SRGAP3: variants seen among roughly 807,000 people sequenced by gnomAD.
SRGAP3 encodes the protein SLIT-ROBO Rho GTPase activating protein 3, also known as SLIT-ROBO Rho GTPase-activating protein 3.
Under a neutral mutation model 121.1 loss-of-function variants are expected in SRGAP3, and 39 were observed. The observed-to-expected ratio is 0.32, with a 90% CI of 0.25 to 0.42. The LOEUF is 0.42. Ranked by LOEUF, SRGAP3 falls within the 10% of genes least tolerant of loss-of-function variation. The pLI, the probability that SRGAP3 is intolerant of heterozygous loss-of-function variation, is 1.00. For synonymous variants in SRGAP3, 601 were observed against 570.0 expected (o/e 1.05, Z -0.77); for missense variants, 1,213 against 1,470.6 (o/e 0.82, Z 2.86).
chr3:9,074,704 C>CA (rs1349810347), intron 4 of SRGAP3, among the ~76,000 whole-genome samples: 2 of 152,224 alleles, frequency 1.3e-5, no homozygotes, highest in Non-Finnish European at 2.9e-5. Context: ...TGAGGGAAGT[C>CA]ATGAGGAGGG....
chr3:9,204,667 T>C (rs1952199666), intron 1 of SRGAP3, among the ~76,000 whole-genome samples: 1 of 151,234 alleles, frequency 6.6e-6, no homozygotes, highest in Non-Finnish European at 1.5e-5. Context: ...TTTTTTTAAG[T>C]CCTAAGTGAA....
chr3:9,196,016 T>G (rs955325554), intron 1 of SRGAP3, among the ~76,000 whole-genome samples: 2 of 152,028 alleles, frequency 1.3e-5, no homozygotes, highest in African/African-American at 4.8e-5. Flanking sequence ...AGTGAAAATT[T>G]AGGGAGAAAA....
At chr3:9,082,459 A>C (rs1165148097) in intron 3 of SRGAP3, among the ~76,000 whole-genome samples, 1 of 152,256 alleles carries the variant, frequency 6.6e-6, no homozygotes, top group African/African-American at 2.4e-5. Context: ...ACCAGACATC[A>C]AATCTGTCAG....
At chr3:9,177,178 A>C (rs1336240255) in intron 1 of SRGAP3, among the ~76,000 whole-genome samples, 11 of 152,256 alleles carry the variant, frequency 7.2e-5, no homozygotes, top group Admixed American at 4.6e-4. Flanking sequence ...TGTGCCAGAC[A>C]CTCTACTGGG....
chr3:9,204,446 T>TGGGCTC (rs2125164767), intron 1 of SRGAP3, among the ~76,000 whole-genome samples: 1 of 152,342 alleles, frequency 6.6e-6, no homozygotes, highest in South Asian at 2.1e-4. Context: ...CCCACGGCCT[T>TGGGCTC]GGGCTCTGAA....
At chr3:9,020,234 A>G (rs1559928909) in intron 14 of SRGAP3, among the ~76,000 whole-genome samples, 1 of 152,082 alleles carries the variant, frequency 6.6e-6, no homozygotes, top group Non-Finnish European at 1.5e-5. Flanking sequence ...GTCTGCATCT[A>G]TGCCTGCTTA....
At chr3:9,238,786 C>G (rs1358532035) in intron 1 of SRGAP3, among the ~76,000 whole-genome samples, 1 of 152,128 alleles carries the variant, frequency 6.6e-6, no homozygotes, top group Non-Finnish European at 1.5e-5. Context: ...TCCAGGGTCC[C>G]TCATGGCCCA....
chr3:9,169,900 G>A (rs1281937264), intron 1 of SRGAP3, among the ~76,000 whole-genome samples: 2 of 152,188 alleles, frequency 1.3e-5, no homozygotes, highest in African/African-American at 4.8e-5. Context: ...TTCTAGGCAA[G>A]TCATGGTCCC....
chr3:9,054,074 A>G (rs1485137078), intron 8 of SRGAP3, among the ~76,000 whole-genome samples: 1 of 152,126 alleles, frequency 6.6e-6, no homozygotes, highest in African/African-American at 2.4e-5. Context: ...ACTGTCTAAT[A>G]TTTTCCAAGC....
At chr3:9,004,018 G>A (rs1203182566) in intron 18 of SRGAP3, among the ~76,000 whole-genome samples, 1 of 152,124 alleles carries the variant, frequency 6.6e-6, no homozygotes, top group African/African-American at 2.4e-5. Context: ...AAAACTATTT[G>A]ACTGCATGAA....
chr3:9,123,405 T>TATATATATATATATATATAC (rs1949095774), intron 2 of SRGAP3, among the ~76,000 whole-genome samples: 2 of 1,752 alleles, frequency 1.1e-3, no homozygotes, highest in African/African-American at 1.9e-3. Flanking sequence ...ACAATACACA[T>TATATATATATATATATATAC]ACATACACAT....
rs578183519 is a variant in SRGAP3, at chr3:9,275,678, C to T, written n.442+50332G>A. The stretch of plus-strand genomic sequence containing the variant: ...TCCCCTTTCACTTGGCTCTCATTCT[C>T]TCTTACCTGCTGCCATGTAAGATGT... On this transcript the variant is annotated intron_variant and non_coding_transcript_variant, in intron 3 of 3. Transcript: ENST00000490889. Among the ~76,000 whole-genome samples, 10 of 152,314 alleles carry T rather than the reference C, an allele frequency of 6.6e-5. No individual in the cohort carries two copies. The East Asian group carries it at 1.2e-3, about 18-fold the overall frequency.
chr3:9,154,460 T>C (rs960831363), intron 1 of SRGAP3, among the ~76,000 whole-genome samples: 1 of 149,584 alleles, frequency 6.7e-6, no homozygotes, highest in Non-Finnish European at 1.5e-5. Context: ...CCCCATCAAG[T>C]TCACCATTTC....
intron 3 of SRGAP3, chr3:9,081,121 C>A: frequency 2.9e-6 from 1 of 348,162 alleles, no homozygotes; most frequent in Non-Finnish European, 5.7e-6. Context: ...GAATCAGCAG[C>A]TGGCACCCAC....
chr3:9,009,056 C>A (rs943786594), intron 18 of SRGAP3, among the ~76,000 whole-genome samples: 3 of 152,196 alleles, frequency 2.0e-5, no homozygotes, highest in African/African-American at 2.4e-5. Context: ...GCTCCTGGAT[C>A]CAGCTGTGCC....
chr3:9,157,355 A>T (rs1218203090), intron 1 of SRGAP3, among the ~76,000 whole-genome samples: 2 of 152,170 alleles, frequency 1.3e-5, no homozygotes, highest in Non-Finnish European at 2.9e-5. Context: ...CACCCCCATG[A>T]TCCAATCACC....
intron 1 of SRGAP3, among the ~76,000 whole-genome samples, chr3:9,190,559 C>T (rs1484532872): frequency 2.0e-5 from 3 of 152,122 alleles, no homozygotes; most frequent in Non-Finnish European, 4.4e-5. Context: ...AGGCGCCCAT[C>T]GATGTATTTA....
intron 1 of SRGAP3, among the ~76,000 whole-genome samples, chr3:9,196,872 A>T (rs1274445166): frequency 6.6e-6 from 1 of 152,256 alleles, no homozygotes; most frequent in East Asian, 1.9e-4. Flanking sequence ...AGTTAGGTGC[A>T]GAAACAGGAT....
At chr3:9,228,875 A>G (rs1463184187) in intron 1 of SRGAP3, among the ~76,000 whole-genome samples, 2 of 151,790 alleles carry the variant, frequency 1.3e-5, no homozygotes, top group East Asian at 3.9e-4. Flanking sequence ...ATCCTGGCTA[A>G]CATGGTGAAA....
Sources: allele counts gnomAD v4.1 joint callset (sites outside exome capture counted in the v4.1 genomes callset), GRCh38; gene constraint gnomAD v4.1.1; transcripts MANE v1.5; gene names NCBI Gene and HGNC (gene_info 2026-07-23, HGNC 2026-07-21).